Variants in STRADA observed in about 807,000 individuals in gnomAD.
The protein encoded by STRADA is STE20-related kinase adapter protein alpha.
STRADA carries 26 observed loss-of-function variants against 55.0 expected under a neutral mutation model. The ratio of observed to expected loss-of-function variants is 0.47; its 90% CI spans 0.35 to 0.66. The LOEUF (loss-of-function observed/expected upper bound fraction) is 0.66. Among genes scored for constraint, STRADA ranks in the 30% least tolerant of loss-of-function variants. The pLI, the probability that STRADA is intolerant of heterozygous loss-of-function variation, is 0.01. For missense variants in STRADA, 443 were observed against 549.7 expected (o/e 0.81, Z 1.94); for synonymous variants, 197 against 210.9 (o/e 0.93, Z 0.57).
At chr17:63,719,552 C>T (rs867543384) in intron 4 of STRADA, among the ~76,000 whole-genome samples, 1 of 151,176 alleles carries the variant, frequency 6.6e-6, no homozygotes, top group African/African-American at 2.4e-5. Flanking sequence ...GGCGCGATCT[C>T]GGCTCACTGC....
intron 4 of STRADA, among the ~76,000 whole-genome samples, chr17:63,721,557 T>C (rs905178397): frequency 8.7e-5 from 13 of 149,580 alleles, no homozygotes; most frequent in Non-Finnish European, 1.6e-4. Flanking sequence ...CTACTAAAAA[T>C]ATAAAAATTA....
chr17:63,705,024 G>A lies in STRADA; in HGVS notation c.859-442C>T, dbSNP rs2035988513. 4.9e-6 allele frequency: 5 copies of A among 1,014,832 alleles called. No homozygotes were observed. In the East Asian group the frequency reaches 7.8e-5, roughly 16 times the overall value. 62.9% of individuals were successfully genotyped at this position (1,014,832 alleles called of 1,614,324 possible). On this transcript the variant is annotated intron_variant, in intron 10 of 12. Transcript: ENST00000336174. The stretch of plus-strand genomic sequence containing the variant: ...CTGCAGTGCCACAGCCTGGGCTGTC[G>A]CTGCAGCAGGCCACACGGGAGCAAG...
At chr17:63,721,160 T>G (rs960153449) in intron 4 of STRADA, among the ~76,000 whole-genome samples, 7 of 149,374 alleles carry the variant, frequency 4.7e-5, no homozygotes, top group Non-Finnish European at 8.9e-5. Context: ...GATCACAAGG[T>G]CAAGAGAACG....
At chr17:63,712,177 G>A (rs190884812) in intron 6 of STRADA, among the ~76,000 whole-genome samples, 20 of 152,278 alleles carry the variant, frequency 1.3e-4, no homozygotes, top group Admixed American at 1.2e-3. Context: ...CAGGAAAGGA[G>A]AGTCTAACTC....
chr17:63,723,224 C>T, intron 4 of STRADA, 74 bp downstream of exon 4: 1 of 1,522,896 alleles, frequency 6.6e-7, no homozygotes, highest in Non-Finnish European at 9.1e-7. Context: ...GATAAGCCAA[C>T]AAAACACACA....
chr17:63,726,759 C>A (rs2037691130), intron 2 of STRADA, 64 bp from the exon 3 acceptor site: 3 of 1,530,142 alleles, frequency 2.0e-6, no homozygotes, highest in Non-Finnish European at 2.7e-6. Flanking sequence ...TAGCTATCAG[C>A]CTTTAGACAG....
At position 63,703,403 on chromosome 17, in the gene STRADA, T is replaced by C; in HGVS notation, c.*196A>G. 3.5e-6 allele frequency: 2 copies of C among 579,422 alleles called. No homozygotes were observed. The highest frequency in any genetic ancestry group is 2.2e-5 in the South Asian group (1 of 46,408). 35.9% of individuals were successfully genotyped at this position (579,422 alleles called of 1,614,324 possible). A position where few individuals can be genotyped will look rare whatever the true frequency, so the allele number is the denominator to read the frequency against. On this transcript the variant is annotated 3_prime_UTR_variant, in exon 13 of 13. Coordinates refer to ENST00000336174, the MANE Select transcript of STRADA (RefSeq NM_001003787.4). Reference sequence around the variant, plus strand: ...TGATCCCTGGTTGTTGAGATTCCCTTGTGTCTCAAAAGCCTTGGAGCAGTG... The same window carrying C: ...TGATCCCTGGTTGTTGAGATTCCCTCGTGTCTCAAAAGCCTTGGAGCAGTG...
Position 63,706,626 on chromosome 17 carries a change from C to G in STRADA, c.858+9G>C. ...AGGCAAGAAGGAAACCGATGGGCGG[C>G]AGGCTTACCTGGGTGGCAGGCATAT... On this transcript the variant is annotated intron_variant, in intron 10 of 12. Transcript: ENST00000336174. The G allele has an allele frequency of 6.2e-7, 1 of 1,607,446 alleles. No homozygotes were observed. The highest frequency in any genetic ancestry group is 1.1e-5 in the South Asian group (1 of 90,386).
intron 3 of STRADA, among the ~76,000 whole-genome samples, chr17:63,725,401 G>C (rs1194019291): frequency 6.6e-6 from 1 of 152,066 alleles, no homozygotes; most frequent in African/African-American, 2.4e-5. Flanking sequence ...GCCCAGGCTG[G>C]AGTGCAATGG....
At chr17:63,735,273 T>C (rs566096838) in intron 1 of STRADA, among the ~76,000 whole-genome samples, 2 of 152,356 alleles carry the variant, frequency 1.3e-5, no homozygotes, top group East Asian at 3.9e-4. Flanking sequence ...CAGAGATTTA[T>C]ACTTAAGGGT....
At chr17:63,711,938 TAAAGAAAAAAA>T (rs1253887906) in intron 6 of STRADA, among the ~76,000 whole-genome samples, 1 of 147,458 alleles carries the variant, frequency 6.8e-6, no homozygotes, top group African/African-American at 2.5e-5. Context: ...TTGTCTCAAA[TAAAGAAAAAAA>T]AAAGAAAAAG....
intron 3 of STRADA, chr17:63,725,855 A>G (rs2144126641): frequency 6.6e-6 from 1 of 151,470 alleles, no homozygotes; most frequent in Non-Finnish European, 1.5e-5. Context: ...TATTTTTAGT[A>G]GAGACGGAGT....
At chr17:63,703,837 A>G (rs1402648966) in intron 12 of STRADA, 86 bp from the exon 13 acceptor site, 37 of 1,609,700 alleles carry the variant, frequency 2.3e-5, no homozygotes, top group Non-Finnish European at 3.0e-5. Context: ...GCCTGGTGGC[A>G]GACGGGCTGT....
chr17:63,718,578 C>T (rs2144005169), intron 4 of STRADA, among the ~76,000 whole-genome samples: 1 of 152,240 alleles, frequency 6.6e-6, no homozygotes, highest in Middle Eastern at 3.4e-3. Flanking sequence ...GCTTTCAGAC[C>T]CAAACTCCCC....
chr17:63,705,019 CT>C, intron 10 of STRADA: 1 of 1,092,792 alleles, frequency 9.2e-7, no homozygotes, highest in Non-Finnish European at 1.3e-6. Flanking sequence ...ACAGCCTGGG[CT>C]GTCGCTGCAG....
chr17:63,727,446 A>G (rs1416344211), intron 2 of STRADA: 2 of 152,150 alleles, frequency 1.3e-5, no homozygotes, highest in African/African-American at 2.4e-5. Context: ...CTATGGAGAG[A>G]TTCCTTTTTT....
intron 11 of STRADA, 21 bp from the exon 12 acceptor site, chr17:63,704,068 A>G: frequency 6.2e-7 from 1 of 1,610,974 alleles, no homozygotes; most frequent in Non-Finnish European, 8.5e-7. Flanking sequence ...AGGGGAGGAG[A>G]GACCGCAGCA....
chr17:63,730,402 T>G (rs1416194741), intron 1 of STRADA, among the ~76,000 whole-genome samples: 1 of 151,728 alleles, frequency 6.6e-6, no homozygotes, highest in Non-Finnish European at 1.5e-5. Flanking sequence ...GTTGACTTTT[T>G]TTTTTTTTTT....
At chr17:63,729,563 T>C (rs2037884069) in intron 1 of STRADA, among the ~76,000 whole-genome samples, 1 of 152,012 alleles carries the variant, frequency 6.6e-6, no homozygotes, top group African/African-American at 2.4e-5. Context: ...GGTGGGTGGA[T>C]CACTTGAGGT....
Sources: allele counts gnomAD v4.1 joint callset (sites outside exome capture counted in the v4.1 genomes callset), GRCh38; gene constraint gnomAD v4.1.1; transcripts MANE v1.5; gene names NCBI Gene and HGNC (gene_info 2026-07-23, HGNC 2026-07-21).